The following LRRIQ1 variants were observed in gnomAD, a reference collection of about 807,000 sequenced individuals.
The protein encoded by LRRIQ1 is leucine-rich repeat- and IQ domain-containing protein 1.
LRRIQ1 carries 210 observed loss-of-function variants against 211.9 expected under a neutral mutation model. The observed-to-expected ratio is 0.99, with a 90% CI of 0.89 to 1.11. The LOEUF (loss-of-function observed/expected upper bound fraction) is 1.11. Among genes scored for constraint, LRRIQ1 ranks in the 50% most tolerant of loss-of-function variants. LRRIQ1 has a pLI of 0.00. For missense variants in LRRIQ1, 2,136 were observed against 1,939.5 expected (o/e 1.10, Z -1.90); for synonymous variants, 699 against 650.1 (o/e 1.08, Z -1.14).
At chr12:85,079,351 A>G (rs547131937) in intron 11 of LRRIQ1, among the ~76,000 whole-genome samples, 1 of 143,654 alleles carries the variant, frequency 7.0e-6, no homozygotes, top group Non-Finnish European at 1.5e-5. Context: ...CCTCTTGGGT[A>G]GATGGGATAT....
chr12:85,101,876 TG>T (rs1266379716), intron 13 of LRRIQ1, among the ~76,000 whole-genome samples: 1 of 151,772 alleles, frequency 6.6e-6, no homozygotes, highest in Non-Finnish European at 1.5e-5. Context: ...AAAAAATTGT[TG>T]GTTATTTGCA....
At chr12:85,270,706 T>C in the LRRIQ1 span, among the ~76,000 whole-genome samples, 3 of 152,284 alleles carry the variant, frequency 2.0e-5, no homozygotes, top group Admixed American at 6.5e-5. Context: ...ATAGTGCTTA[T>C]TTTATGACCA....
At position 85,089,933 on chromosome 12, in the gene LRRIQ1, C is replaced by T. The variant is rs143892377; in HGVS notation, c.2888-8422C>T. Among the ~76,000 whole-genome samples the T allele has an allele frequency of 1.1e-3, 173 of 152,252 alleles. 1 individual carries two copies. Among genetic ancestry groups the T allele is most frequent in the South Asian group, 5.2e-3 (25 of 4,828 alleles). On this transcript the variant is annotated intron_variant, in intron 11 of 26. Coordinates refer to ENST00000393217, the MANE Select transcript of LRRIQ1 (RefSeq NM_001079910.2). ...AGCCAAGACAATAAGGAAAAAGCTA[C>T]GAAGGCATTACAGCGATCTAAGAGG... is the stretch of plus-strand genomic sequence containing the variant.
intron 3 of LRRIQ1, among the ~76,000 whole-genome samples, chr12:85,044,504 T>A (rs1229771290): frequency 6.6e-6 from 1 of 151,934 alleles, no homozygotes; most frequent in Admixed American, 6.6e-5. Flanking sequence ...GTCAAAGCAC[T>A]TTAGAAATTT....
Position 85,072,958 on chromosome 12 carries a change from A to G in LRRIQ1, c.2747A>G (p.His916Arg). ...CTTGTTGACAATGCAGGGTTCTGCC[A>G]TCACTTGGGCACCTCCACTTCTTAC... ...EKLVDNAGFCHHLGTSTSYLS... is the reference protein window; with the variant it reads ...EKLVDNAGFCRHLGTSTSYLS... Residue 916 changes from histidine (H) to arginine (R), a missense_variant, in exon 11 of 27, where the codon CAT becomes CGT. Physicochemically the swap from His to Arg is conservative, Grantham distance 29. Transcript: ENST00000393217. The G allele has an allele frequency of 1.2e-6, 2 of 1,612,546 alleles. No homozygotes were observed. The highest frequency in any genetic ancestry group is 8.5e-7 in the Non-Finnish European group (1 of 1,179,150).
At chr12:85,184,713 T>C (rs918986396) in intron 24 of LRRIQ1, among the ~76,000 whole-genome samples, 1 of 151,968 alleles carries the variant, frequency 6.6e-6, no homozygotes, top group Non-Finnish European at 1.5e-5. Context: ...TTTGATAATT[T>C]TTTTTTGCTT....
At position 85,224,029 on chromosome 12, in the gene LRRIQ1, C is replaced by A. The variant is rs181430543; in HGVS notation, c.4823-5488C>A. On this transcript the variant is annotated intron_variant, in intron 24 of 26. Transcript: ENST00000393217. ...ATGTAATTGGTGAGACCTTTTAAAA[C>A]CATTTGACAATATAGATTATATCAA... Among the ~76,000 whole-genome samples, 10 of 151,836 alleles carry A rather than the reference C, an allele frequency of 6.6e-5. No homozygotes were observed. The East Asian group carries it at 7.7e-4, about 12-fold the overall frequency.
At chr12:85,220,846 C>T (rs1036087674) in intron 24 of LRRIQ1, among the ~76,000 whole-genome samples, 6 of 136,602 alleles carry the variant, frequency 4.4e-5, no homozygotes, top group African/African-American at 8.2e-5. Context: ...TTCGCTCTGT[C>T]GCCCAGGTTG....
intron 24 of LRRIQ1, among the ~76,000 whole-genome samples, chr12:85,206,931 C>A (rs1592970478): frequency 1.3e-5 from 2 of 152,198 alleles, no homozygotes; most frequent in South Asian, 4.1e-4. Flanking sequence ...AGCATGGAGA[C>A]CCTTGGAAGA....
intron 24 of LRRIQ1, among the ~76,000 whole-genome samples, chr12:85,174,973 C>T (rs955026244): frequency 6.6e-6 from 1 of 151,970 alleles, no homozygotes; most frequent in Non-Finnish European, 1.5e-5. Flanking sequence ...TGCAATGGGT[C>T]AGTTATCTAA....
chr12:85,095,804 T>C (rs1885819105), intron 11 of LRRIQ1, among the ~76,000 whole-genome samples: 1 of 152,114 alleles, frequency 6.6e-6, no homozygotes, highest in Non-Finnish European at 1.5e-5. Context: ...TTTCTTTTTT[T>C]TAAAATTACT....
intron 1 of LRRIQ1, among the ~76,000 whole-genome samples, chr12:85,255,953 A>G (rs901916776): frequency 6.6e-6 from 1 of 151,776 alleles, no homozygotes; most frequent in Admixed American, 6.6e-5. Context: ...TTTAAAATCT[A>G]CTTTTTAGAA....
At chr12:85,093,103 T>C (rs2136239893) in intron 11 of LRRIQ1, among the ~76,000 whole-genome samples, 1 of 152,312 alleles carries the variant, frequency 6.6e-6, no homozygotes, top group African/African-American at 2.4e-5. Context: ...CTTTATGCGA[T>C]ATATTTTTCA....
At position 85,076,884 on chromosome 12, in the gene LRRIQ1, G is replaced by A. The variant is rs755356716; in HGVS notation, c.2887+3786G>A. ...AGCTGAAAGGGATCTTAGGTATCTC[G>A]CCAGTCTAGGCTGCTTAGTTTACAG... On this transcript the variant is annotated intron_variant, in intron 11 of 26. Transcript: ENST00000393217. 2.6e-5 allele frequency among the ~76,000 whole-genome samples: 4 copies of A among 151,558 alleles called. No individual in the cohort carries two copies. In the East Asian group the frequency reaches 5.8e-4, roughly 22 times the overall value.
intron 2 of LRRIQ1, among the ~76,000 whole-genome samples, chr12:85,039,498 T>C (rs1021062232): frequency 6.6e-6 from 1 of 151,674 alleles, no homozygotes; most frequent in Non-Finnish European, 1.5e-5. Context: ...CACTACTTTA[T>C]CAGGACTCAT....
downstream of LRRIQ1, among the ~76,000 whole-genome samples, chr12:85,246,555 C>A (rs913474341): frequency 1.3e-5 from 2 of 151,320 alleles, no homozygotes; most frequent in Non-Finnish European, 3.0e-5. Context: ...AAATCAGCAA[C>A]TAGTTTCAAA....
Position 85,056,032 on chromosome 12 carries a change from A to T in LRRIQ1, c.1239A>T (p.Glu413Asp), listed in dbSNP as rs1565791807. The part of the protein sequence containing the change: ...SGYNNKHLSL[E>D]DISNDKGDIA... ...ATAATAACAAACATTTAAGTCTTGA[A>T]GATATTTCAAATGATAAGGGTGATA... The change falls in exon 8 of 27, where the codon GAA (glutamate) becomes GAT (aspartate). Residue 413 changes from glutamate (E) to aspartate (D), a missense_variant. Physicochemically the swap from Glu to Asp is conservative, Grantham distance 45. Transcript: ENST00000393217. 2 of 1,601,444 alleles carry T rather than the reference A, an allele frequency of 1.2e-6. No homozygotes were observed. The highest frequency in any genetic ancestry group is 1.7e-6 in the Non-Finnish European group (2 of 1,176,418).
At chr12:85,199,601 T>C in intron 24 of LRRIQ1, among the ~76,000 whole-genome samples, 1 of 152,130 alleles carries the variant, frequency 6.6e-6, no homozygotes, top group East Asian at 1.9e-4. Flanking sequence ...AGGAAAAAGG[T>C]TGAATTGACT....
chr12:85,087,958 C>G (rs1368298349), intron 11 of LRRIQ1, among the ~76,000 whole-genome samples: 1 of 152,182 alleles, frequency 6.6e-6, no homozygotes, highest in Non-Finnish European at 1.5e-5. Flanking sequence ...AATTAGATCC[C>G]ATTTGTCAAT....
Sources: allele counts gnomAD v4.1 joint callset (sites outside exome capture counted in the v4.1 genomes callset), GRCh38; gene constraint gnomAD v4.1.1; transcripts MANE v1.5; gene names NCBI Gene and HGNC (gene_info 2026-07-23, HGNC 2026-07-21).